Variants in DCC observed in about 807,000 individuals in gnomAD.
DCC encodes DCC netrin 1 receptor, also known as netrin receptor DCC.
A neutral mutation model predicts 172.5 loss-of-function variants in DCC; 58 were observed. The observed-to-expected ratio is 0.34, with a 90% CI of 0.27 to 0.42. The LOEUF (loss-of-function observed/expected upper bound fraction) is 0.42. Ranked by LOEUF, DCC falls within the 10% of genes least tolerant of loss-of-function variation. The pLI is 1.00. For missense variants in DCC, 1,740 were observed against 1,791.0 expected (o/e 0.97, Z 0.51); for synonymous variants, 709 against 644.5 (o/e 1.10, Z -1.52).
intron 5 of DCC, among the ~76,000 whole-genome samples, chr18:52,939,402 T>C (rs1284522667): frequency 1.3e-5 from 2 of 152,212 alleles, no homozygotes; most frequent in East Asian, 1.9e-4. Flanking sequence ...TCTGTTATTA[T>C]CTACTTGTTT....
At chr18:53,213,793 A>G (rs55906054) in intron 11 of DCC, among the ~76,000 whole-genome samples, 55,638 of 151,414 alleles carry the variant, frequency 0.37, 10,993 homozygotes, top group Non-Finnish European at 0.44. Context: ...TATTCTACAA[A>G]TAGTACTTCA....
chr18:53,366,508 C>T (rs1568085282), intron 15 of DCC, among the ~76,000 whole-genome samples: 1 of 152,080 alleles, frequency 6.6e-6, no homozygotes. Context: ...CCCATGACTT[C>T]ATTGTGAATA....
chr18:52,678,937 G>T (rs142704247), intron 1 of DCC, among the ~76,000 whole-genome samples: 2 of 151,666 alleles, frequency 1.3e-5, no homozygotes, highest in Non-Finnish European at 2.9e-5. Context: ...CTTCATTTCC[G>T]ATAGTAACCT....
At chr18:52,758,301 C>T (rs2037107674) in intron 2 of DCC, among the ~76,000 whole-genome samples, 1 of 152,094 alleles carries the variant, frequency 6.6e-6, no homozygotes, top group Admixed American at 6.6e-5. Flanking sequence ...TTTTACAATT[C>T]AGGCGAAGTT....
intron 2 of DCC, chr18:52,892,623 A>T (rs1243566707): frequency 6.6e-6 from 1 of 152,130 alleles, no homozygotes; most frequent in Non-Finnish European, 1.5e-5. Context: ...CACATTTCAG[A>T]CTATAAACTT....
At chr18:53,016,466 A>G (rs534105913) in intron 5 of DCC, among the ~76,000 whole-genome samples, 1 of 152,234 alleles carries the variant, frequency 6.6e-6, no homozygotes, top group East Asian at 1.9e-4. Flanking sequence ...TAAATGATAC[A>G]TGTCCTTGAG....
intron 24 of DCC, among the ~76,000 whole-genome samples, chr18:53,460,589 T>C (rs2045545548): frequency 6.6e-6 from 1 of 151,998 alleles, no homozygotes; most frequent in Non-Finnish European, 1.5e-5. Flanking sequence ...GTTTCATCCA[T>C]GTCCCTACAA....
intron 25 of DCC, among the ~76,000 whole-genome samples, chr18:53,474,382 G>A (rs1394315028): frequency 2.0e-5 from 3 of 152,144 alleles, no homozygotes; most frequent in Non-Finnish European, 4.4e-5. Context: ...TGTAAAATTA[G>A]AAAATCAGTA....
chr18:52,445,598 A>T (rs1431322352), intron 1 of DCC, among the ~76,000 whole-genome samples: 1 of 152,116 alleles, frequency 6.6e-6, no homozygotes. Flanking sequence ...TCTTTCCTTA[A>T]GGTAGTAATA....
intron 12 of DCC, among the ~76,000 whole-genome samples, chr18:53,264,494 AAAGAAG>A (rs1410698994): frequency 3.3e-5 from 5 of 151,356 alleles, no homozygotes; most frequent in Middle Eastern, 3.4e-3. Context: ...AAAAAAAAAA[AAAGAAG>A]AAGAAGAAGA....
intron 12 of DCC, among the ~76,000 whole-genome samples, chr18:53,225,948 T>C (rs2056021697): frequency 1.3e-5 from 2 of 152,084 alleles, no homozygotes; most frequent in Admixed American, 6.6e-5. Context: ...GGATCTAAGC[T>C]ACCTATGGAA....
intron 2 of DCC, among the ~76,000 whole-genome samples, chr18:52,878,418 A>G (rs1383045962): frequency 6.6e-6 from 1 of 152,220 alleles, no homozygotes; most frequent in African/African-American, 2.4e-5. Flanking sequence ...AAGACTTTAG[A>G]GTAGGTTTTG....
intron 1 of DCC, among the ~76,000 whole-genome samples, chr18:52,399,759 C>T (rs1336421890): frequency 6.6e-6 from 1 of 151,876 alleles, no homozygotes; most frequent in African/African-American, 2.4e-5. Flanking sequence ...ATTATAAAGC[C>T]GTTATTGACA....
chr18:52,916,851 C>A (rs2040048798), intron 3 of DCC, among the ~76,000 whole-genome samples: 1 of 151,944 alleles, frequency 6.6e-6, no homozygotes, highest in African/African-American at 2.4e-5. Context: ...AATGTCAATG[C>A]AGAAAGTATT....
intron 1 of DCC, among the ~76,000 whole-genome samples, chr18:52,475,948 T>C (rs1989081540): frequency 6.6e-6 from 1 of 152,164 alleles, no homozygotes; most frequent in Admixed American, 6.5e-5. Flanking sequence ...TCTTTTGAAA[T>C]AATTTCACCA....
At chr18:53,484,687 T>C (rs1214727319) in intron 25 of DCC, among the ~76,000 whole-genome samples, 1 of 152,094 alleles carries the variant, frequency 6.6e-6, no homozygotes, top group African/African-American at 2.4e-5. Context: ...GAAGAGACTA[T>C]ACCTTTTTAA....
intron 12 of DCC, among the ~76,000 whole-genome samples, chr18:53,292,116 C>A (rs896268895): frequency 2.0e-5 from 3 of 146,876 alleles, no homozygotes; most frequent in African/African-American, 5.2e-5. Flanking sequence ...GAGCTCCACC[C>A]CCCCCCCCTT....
intron 12 of DCC, among the ~76,000 whole-genome samples, chr18:53,229,197 A>G (rs1182864946): frequency 6.6e-6 from 1 of 152,186 alleles, no homozygotes; most frequent in Non-Finnish European, 1.5e-5. Flanking sequence ...AAATCTTTTA[A>G]AAACAAAGAT....
intron 27 of DCC, among the ~76,000 whole-genome samples, chr18:53,506,602 AATCCTAGCACTT>A (rs2046179024): frequency 6.6e-6 from 1 of 152,168 alleles, no homozygotes; most frequent in Non-Finnish European, 1.5e-5. Context: ...TCACACCCGT[AATCCTAGCACTT>A]TGGGAGGCTG....
Sources: gnomAD v4.1 joint callset for allele counts (sites outside exome capture counted in the v4.1 genomes callset) on GRCh38, gnomAD v4.1.1 for gene constraint, MANE v1.5 for transcripts, NCBI Gene and HGNC (gene_info 2026-07-23, HGNC 2026-07-21) for gene names.